The following SLC23A2 variants were observed in gnomAD, a reference collection of about 807,000 sequenced individuals.
The protein encoded by SLC23A2 is Na(+)/L-ascorbic acid transporter 2.
Under a neutral mutation model 73.3 loss-of-function variants are expected in SLC23A2, and 36 were observed. The observed-to-expected ratio is 0.49, with a 90% CI of 0.38 to 0.65. The LOEUF is 0.65. Among genes scored for constraint, SLC23A2 ranks in the 30% least tolerant of loss-of-function variants. SLC23A2 has a pLI of 0.00. For synonymous variants in SLC23A2, 343 were observed against 327.3 expected, an observed-to-expected ratio of 1.05 and a Z score of -0.52; for missense variants, 507 against 841.6, an observed-to-expected ratio of 0.60 and a Z score of 4.92.
intron 2 of SLC23A2, among the ~76,000 whole-genome samples, chr20:4,952,288 G>T (rs893278451): frequency 1.3e-5 from 2 of 152,012 alleles, no homozygotes; most frequent in Non-Finnish European, 2.9e-5. Flanking sequence ...TTAACCACAG[G>T]ATGAAAGAAT....
At chr20:4,930,039 A>C (rs1432243457) in intron 3 of SLC23A2, among the ~76,000 whole-genome samples, 3 of 152,238 alleles carry the variant, frequency 2.0e-5, no homozygotes, top group Admixed American at 2.0e-4. Flanking sequence ...ATAACAAGGA[A>C]TGAGGAAGCT....
intron 3 of SLC23A2, among the ~76,000 whole-genome samples, chr20:4,921,602 C>A (rs76855212): frequency 0.077 from 6,615 of 85,718 alleles, 244 homozygotes; most frequent in African/African-American, 0.15. Context: ...CAATCACAAC[C>A]AAAAAAAAAA....
intron 4 of SLC23A2, among the ~76,000 whole-genome samples, chr20:4,910,687 C>T (rs1469808250): frequency 6.6e-6 from 1 of 152,156 alleles, no homozygotes; most frequent in Non-Finnish European, 1.5e-5. Flanking sequence ...CCACCCATCT[C>T]GGCCTCCCAA....
At chr20:4,981,232 A>G (rs1386418626) in intron 1 of SLC23A2, among the ~76,000 whole-genome samples, 2 of 152,218 alleles carry the variant, frequency 1.3e-5, no homozygotes, top group Admixed American at 6.5e-5. Flanking sequence ...TAATCATTCA[A>G]TTTCTCAGGA....
At chr20:4,946,950 GAA>G (rs1406001915) in intron 2 of SLC23A2, among the ~76,000 whole-genome samples, 1 of 152,178 alleles carries the variant, frequency 6.6e-6, no homozygotes, top group Non-Finnish European at 1.5e-5. Context: ...TCTTTCAGCA[GAA>G]GTTTTCTTTC....
At position 4,856,816 on chromosome 20, in the gene SLC23A2, T is replaced by C. The variant is rs757323305; in HGVS notation, c.*156A>G. On this transcript the variant is annotated 3_prime_UTR_variant, in exon 17 of 17. Transcript: ENST00000338244. The surrounding 1 kb of genome is among the most constrained non-coding windows in gnomAD (Gnocchi z 4.6). ...AGGCGAGACACCGCATCAGGCACCA[T>C]CACCCTCACAGCAGAAAAGTGATTC... 1.6e-5 allele frequency: 10 copies of C among 611,450 alleles called. No homozygotes were observed. Among genetic ancestry groups the C allele is most frequent in the Non-Finnish European group, 2.9e-5 (10 of 344,186 alleles). The allele number at this position is 611,450 out of a possible 1,614,324, so 37.9% of individuals were successfully genotyped here.
chr20:4,909,026 T>C (rs1242268866), intron 4 of SLC23A2, among the ~76,000 whole-genome samples: 1 of 152,186 alleles, frequency 6.6e-6, no homozygotes, highest in South Asian at 2.1e-4. Flanking sequence ...AGGCATTATG[T>C]CTGTGAGATT....
chr20:4,913,629 G>GTTT (rs901957803), intron 3 of SLC23A2, among the ~76,000 whole-genome samples: 2 of 151,878 alleles, frequency 1.3e-5, no homozygotes, highest in African/African-American at 4.8e-5. Flanking sequence ...TGTTGTTGTT[G>GTTT]TTTCGTTTTG....
intron 6 of SLC23A2, among the ~76,000 whole-genome samples, chr20:4,894,150 A>G (rs1454287928): frequency 1.3e-5 from 2 of 152,158 alleles, no homozygotes; most frequent in Non-Finnish European, 2.9e-5. Flanking sequence ...GAACTGTTGA[A>G]ACCTCGCTCA....
At chr20:5,009,425 T>C (rs2088225100) in intron 1 of SLC23A2, among the ~76,000 whole-genome samples, 1 of 152,158 alleles carries the variant, frequency 6.6e-6, no homozygotes, top group African/African-American at 2.4e-5. Context: ...GTCCCTAGGC[T>C]GGTGCAAGTA....
At chr20:4,935,828 A>T (rs115919341) in intron 2 of SLC23A2, among the ~76,000 whole-genome samples, 1,545 of 152,228 alleles carry the variant, frequency 0.01, 16 homozygotes, top group African/African-American at 0.035. Context: ...AGTTAAAAAA[A>T]ATATATATCT....
chr20:4,898,325 GT>G (rs1368168757), intron 6 of SLC23A2, among the ~76,000 whole-genome samples: 1 of 152,204 alleles, frequency 6.6e-6, no homozygotes, highest in Non-Finnish European at 1.5e-5. Flanking sequence ...CCCTCCCAGG[GT>G]GTGGCCTATC....
In SLC23A2 at chr20:4,863,447, C is replaced by A. The variant is rs1002394544; in HGVS notation, c.1357-540G>T. ...ACTGTATGGTCGGGCCGACCCGTAG[C>A]CTCTAGAGTCTCAGGATCTTCATCT... On this transcript the variant is annotated intron_variant, in intron 13 of 16. Transcript: ENST00000338244. This position sits in a 1 kb window ranked among gnomAD's most constrained non-coding sequence, Gnocchi z 4.8. Among the ~76,000 whole-genome samples, 2 of 152,214 alleles carry A rather than the reference C, an allele frequency of 1.3e-5. No individual in the cohort carries two copies. The highest frequency in any genetic ancestry group is 2.9e-5 in the Non-Finnish European group (2 of 68,040).
intron 2 of SLC23A2, among the ~76,000 whole-genome samples, chr20:4,967,759 T>A (rs2087496569): frequency 6.6e-6 from 1 of 152,222 alleles, no homozygotes; most frequent in African/African-American, 2.4e-5. Context: ...ATCCAGTTTA[T>A]AACTGAGTTC....
chr20:4,896,313 C>T (rs150101400), intron 6 of SLC23A2, among the ~76,000 whole-genome samples: 52 of 152,210 alleles, frequency 3.4e-4, no homozygotes, highest in Admixed American at 7.8e-4. Flanking sequence ...GGTCTGAGGC[C>T]GTGCGGAGCA....
intron 3 of SLC23A2, among the ~76,000 whole-genome samples, chr20:4,924,669 C>A (rs948586525): frequency 6.6e-6 from 1 of 152,348 alleles, no homozygotes; most frequent in Non-Finnish European, 1.5e-5. Flanking sequence ...CACCAGGCAC[C>A]CCCCTGCTGT....
At chr20:4,928,921 T>C (rs1230297406) in intron 3 of SLC23A2, among the ~76,000 whole-genome samples, 1 of 151,960 alleles carries the variant, frequency 6.6e-6, no homozygotes, top group African/African-American at 2.4e-5. Flanking sequence ...AACCTCAAAA[T>C]AGGCAAGCTT....
chr20:4,910,964 TA>T (rs1932123067), intron 4 of SLC23A2, among the ~76,000 whole-genome samples: 1 of 152,124 alleles, frequency 6.6e-6, no homozygotes, highest in Admixed American at 6.6e-5. Context: ...CTCCCATCAG[TA>T]AAAGGTAAAG....
chr20:4,919,663 G>A (rs983877154), intron 3 of SLC23A2, among the ~76,000 whole-genome samples: 2 of 152,154 alleles, frequency 1.3e-5, no homozygotes, highest in Admixed American at 6.5e-5. Flanking sequence ...CATCTTCCCT[G>A]CTAGGTGAGG....
Sources: allele counts gnomAD v4.1 joint callset (sites outside exome capture counted in the v4.1 genomes callset), GRCh38; gene constraint gnomAD v4.1.1; non-coding constraint Gnocchi (gnomAD v3.1); transcripts MANE v1.5; gene names NCBI Gene and HGNC (gene_info 2026-07-23, HGNC 2026-07-21).